RAD51B: variants seen among roughly 807,000 people sequenced by gnomAD.
RAD51B encodes the protein DNA repair protein RAD51 homolog 2.
RAD51B carries 38 observed loss-of-function variants against 42.2 expected under a neutral mutation model. That is an observed-to-expected ratio of 0.90 (90% CI 0.70 to 1.18). RAD51B has a LOEUF of 1.18. RAD51B is among the 50% of genes most tolerant of loss of function. The pLI is 0.00. For synonymous variants in RAD51B, 154 were observed against 145.2 expected (o/e 1.06, Z -0.43); for missense variants, 373 against 400.7 (o/e 0.93, Z 0.59).
intron 11 of RAD51B, among the ~76,000 whole-genome samples, chr14:68,657,931 T>C (rs1297916635): frequency 2.6e-5 from 4 of 152,244 alleles, no homozygotes; most frequent in Non-Finnish European, 4.4e-5. Flanking sequence ...CCTCCTAAGC[T>C]GCTGCCCATG....
chr14:68,671,819 C>CAAA (rs112197030), intron 11 of RAD51B, among the ~76,000 whole-genome samples: 2 of 145,330 alleles, frequency 1.4e-5, no homozygotes, highest in African/African-American at 2.5e-5. Context: ...GACTGGTTAT[C>CAAA]AAAAAAAAAA....
At chr14:67,976,863 T>A (rs1179347755) in intron 7 of RAD51B, among the ~76,000 whole-genome samples, 4 of 151,852 alleles carry the variant, frequency 2.6e-5, no homozygotes, top group African/African-American at 7.3e-5. Context: ...TCAAACAAAT[T>A]TACAAGAAAA....
At chr14:68,180,002 G>A (rs2079031697) in intron 7 of RAD51B, among the ~76,000 whole-genome samples, 1 of 152,156 alleles carries the variant, frequency 6.6e-6, no homozygotes. Flanking sequence ...TATGGGGGGA[G>A]AGGGTGCCCT....
chr14:67,920,005 C>T (rs1325858135), intron 7 of RAD51B, among the ~76,000 whole-genome samples: 2 of 151,748 alleles, frequency 1.3e-5, no homozygotes, highest in Non-Finnish European at 2.9e-5. Context: ...TGGGGTTATC[C>T]ATTTATTGTA....
chr14:68,428,204 G>T (rs954031378), intron 9 of RAD51B, among the ~76,000 whole-genome samples: 1 of 152,000 alleles, frequency 6.6e-6, no homozygotes, highest in African/African-American at 2.4e-5. Flanking sequence ...AGCACAAAAT[G>T]GACTAAGACA....
intron 7 of RAD51B, among the ~76,000 whole-genome samples, chr14:68,170,887 ATGTAT>A (rs1341440196): frequency 1.3e-5 from 2 of 152,242 alleles, no homozygotes; most frequent in Non-Finnish European, 2.9e-5. Context: ...GATGAAAAAA[ATGTAT>A]TGGGAATGAT....
chr14:68,484,744 A>AT (rs143887099), intron 10 of RAD51B, among the ~76,000 whole-genome samples: 24,095 of 152,100 alleles, frequency 0.16, 1,974 homozygotes, highest in Middle Eastern at 0.25. Flanking sequence ...GTGGTGCAGA[A>AT]TTGGAAAGCC....
chr14:67,906,807 T>C (rs886476995), intron 7 of RAD51B, among the ~76,000 whole-genome samples: 3 of 151,416 alleles, frequency 2.0e-5, no homozygotes, highest in African/African-American at 7.3e-5. Flanking sequence ...TCCTTCCTTC[T>C]TTCTTTCTTT....
chr14:68,354,553 C>T (rs1436905235), intron 8 of RAD51B, among the ~76,000 whole-genome samples: 1 of 151,760 alleles, frequency 6.6e-6, no homozygotes, highest in Non-Finnish European at 1.5e-5. Flanking sequence ...TTTGTCACTT[C>T]TGCATGCTTA....
At chr14:67,998,710 A>G (rs763148749) in intron 7 of RAD51B, among the ~76,000 whole-genome samples, 13 of 152,302 alleles carry the variant, frequency 8.5e-5, no homozygotes, top group Non-Finnish European at 1.8e-4. Flanking sequence ...CAGCCTTACT[A>G]CTAGGATGTA....
intron 8 of RAD51B, among the ~76,000 whole-genome samples, chr14:68,327,840 A>G (rs184177043): frequency 6.6e-6 from 1 of 152,358 alleles, no homozygotes; most frequent in Admixed American, 6.5e-5. Context: ...ACTGTGCCTT[A>G]GTAAACACGA....
intron 8 of RAD51B, among the ~76,000 whole-genome samples, chr14:68,341,771 C>A (rs1295073874): frequency 6.6e-6 from 1 of 152,268 alleles, no homozygotes; most frequent in African/African-American, 2.4e-5. Context: ...CCCATTAGAT[C>A]TTTTGTCTAC....
At chr14:68,595,711 G>C (rs1416147340) in exon 11 of RAD51B, 1 of 781,806 alleles carries the variant, frequency 1.3e-6, no homozygotes, top group East Asian at 5.3e-5. Context: ...CTATACGATG[G>C]AATACTAGAT....
chr14:68,483,598 T>A (rs1372731533), intron 10 of RAD51B, among the ~76,000 whole-genome samples: 1 of 152,238 alleles, frequency 6.6e-6, no homozygotes, highest in Non-Finnish European at 1.5e-5. Context: ...TTTGGAAATG[T>A]GCCCTTCCAT....
In RAD51B at chr14:68,648,104, TACAC is replaced by T. The variant is rs1166571967; in HGVS notation, c.1037-2672_1037-2669del. ...ATATATACGTGTGTGTATATATATATACACACACGTATATATATATACACACACG... is the reference window on the plus strand; with the variant it reads ...ATATATACGTGTGTGTATATATATATACACGTATATATATATACACACACG... On this transcript the variant is annotated intron_variant, in intron 10 of 11. Transcript: ENST00000488612. Among the ~76,000 whole-genome samples, 9 of 56,742 alleles carry T rather than the reference TACAC, an allele frequency of 1.6e-4. 1 individual carries two copies. Among genetic ancestry groups the T allele is most frequent in the East Asian group, 2.7e-3 (1 of 376 alleles). The allele number at this position is 56,742 out of a possible 152,430, so 37.2% of individuals were successfully genotyped here.
rs549614175 is a variant in RAD51B at position 68,446,182 on chromosome 14, A to G, written c.958-21990A>G. On this transcript the variant is annotated intron_variant, in intron 9 of 10. Coordinates refer to ENST00000471583, the MANE Select transcript of RAD51B (RefSeq NM_133510.4). ...ATAATATGCTGTGAGGTGGGTTTTT[A>G]CAATAACACTGTGAAGTGGGTATTA... 3.3e-5 allele frequency among the ~76,000 whole-genome samples: 5 copies of G among 152,336 alleles called. No homozygotes were observed. In the East Asian group the frequency reaches 9.6e-4, roughly 29 times the overall value.
intron 7 of RAD51B, among the ~76,000 whole-genome samples, chr14:68,093,688 G>A (rs2077142931): frequency 1.3e-5 from 2 of 152,182 alleles, no homozygotes; most frequent in East Asian, 1.9e-4. Context: ...GGTGTTTTGT[G>A]TCTCTATTTC....
At chr14:68,245,019 A>G (rs1384247887) in intron 7 of RAD51B, among the ~76,000 whole-genome samples, 1 of 152,190 alleles carries the variant, frequency 6.6e-6, no homozygotes, top group Admixed American at 6.5e-5. Flanking sequence ...CCGTAACACT[A>G]ACTAGCTCAG....
intron 8 of RAD51B, among the ~76,000 whole-genome samples, chr14:68,305,410 A>G (rs958772757): frequency 1.3e-5 from 2 of 152,354 alleles, no homozygotes; most frequent in South Asian, 2.1e-4. Context: ...TTGGAACCCT[A>G]GAATTCCTGC....
Sources: allele counts gnomAD v4.1 joint callset (sites outside exome capture counted in the v4.1 genomes callset), GRCh38; gene constraint gnomAD v4.1.1; transcripts MANE v1.5; gene names NCBI Gene and HGNC (gene_info 2026-07-23, HGNC 2026-07-21).